NEURL1B: variants seen among roughly 807,000 people sequenced by gnomAD.
NEURL1B encodes the protein E3 ubiquitin-protein ligase NEURL1B.
In NEURL1B, 13 loss-of-function variants were observed where a neutral mutation model predicts 37.4. The observed-to-expected ratio is 0.35, with a 90% CI of 0.23 to 0.55. The LOEUF (loss-of-function observed/expected upper bound fraction) is 0.55. NEURL1B is among the 20% of genes least tolerant of loss of function. The pLI is 0.89. For missense variants in NEURL1B, 790 were observed against 879.2 expected (o/e 0.90, Z 1.28); for synonymous variants, 432 against 426.6 (o/e 1.01, Z -0.16).
intron 1 of NEURL1B, among the ~76,000 whole-genome samples, chr5:172,651,154 A>T (rs1370103091): frequency 6.6e-6 from 1 of 152,016 alleles, no homozygotes. Context: ...ATATCTAACA[A>T]CTCCCCTTGT....
intron 2 of NEURL1B, among the ~76,000 whole-genome samples, chr5:172,678,308 A>G (rs922381208): frequency 2.0e-5 from 3 of 152,160 alleles, no homozygotes; most frequent in Non-Finnish European, 4.4e-5. Flanking sequence ...CTCTTTCTCC[A>G]AGTTATCTGA....
In NEURL1B at chr5:172,654,473, C is replaced by A. The variant is rs185106449; in HGVS notation, c.31+13036C>A. ...GTGGTAATTAATTAAGACTTAGATC[C>A]CCTGTTAGGAAACCTGGTGGGTTAA... On this transcript the variant is annotated intron_variant, in intron 1 of 4. Coordinates refer to ENST00000369800, the MANE Select transcript of NEURL1B (RefSeq NM_001142651.3). Among the ~76,000 whole-genome samples, 45 of 152,244 alleles carry A rather than the reference C, an allele frequency of 3.0e-4. 1 individual carries two copies. The highest frequency in any genetic ancestry group is 1.1e-3 in the African/African-American group (44 of 41,538).
chr5:172,664,551 G>A (rs889113240), intron 1 of NEURL1B, among the ~76,000 whole-genome samples: 2 of 152,166 alleles, frequency 1.3e-5, no homozygotes, highest in Admixed American at 1.3e-4. Flanking sequence ...TGTTGTGTTT[G>A]TTGCAGCAAT....
rs775856605 is a variant in NEURL1B, at chr5:172,690,899, G to T, written c.*3974G>T. 6.6e-6 allele frequency: 1 copy of T among 152,244 alleles called. No individual in the cohort carries two copies. The allele number at this position is 152,244 out of a possible 1,614,324, so 9.4% of individuals were successfully genotyped here. ...TGCTTTCAGGCCCTGGAAATCAGTCGCCAAGGCCCAGGAGAACCCCGGTGA... is the reference window on the plus strand; with the variant it reads ...TGCTTTCAGGCCCTGGAAATCAGTCTCCAAGGCCCAGGAGAACCCCGGTGA... On this transcript the variant is annotated 3_prime_UTR_variant, in exon 5 of 5. Coordinates refer to ENST00000369800, the MANE Select transcript of NEURL1B (RefSeq NM_001142651.3).
At chr5:172,670,642 CTCAT>C (rs111734526) in intron 2 of NEURL1B, among the ~76,000 whole-genome samples, 2,468 of 152,242 alleles carry the variant, frequency 0.016, 30 homozygotes, top group Middle Eastern at 0.044. Flanking sequence ...AGTTTATTTG[CTCAT>C]TCATTCATTC....
chr5:172,650,216 C>T (rs1419424448), intron 1 of NEURL1B, among the ~76,000 whole-genome samples: 2 of 152,176 alleles, frequency 1.3e-5, no homozygotes, highest in African/African-American at 2.4e-5. Context: ...GCCAGGTCTG[C>T]CTGGTAACTT....
rs1757580205 is a variant in NEURL1B at position 172,647,450 on chromosome 5, C to T, written c.31+6013C>T. Among the ~76,000 whole-genome samples, 2 of 152,098 alleles carry T rather than the reference C, an allele frequency of 1.3e-5. No individual in the cohort carries two copies. Among genetic ancestry groups the T allele is most frequent in the African/African-American group, 2.4e-5 (1 of 41,408 alleles). ...AGGCTCAGAGGGGTAGTGAGACCTG[C>T]CCGGCCCAGGTGGCCAGGAAGTGGC... is the stretch of plus-strand genomic sequence containing the variant. On this transcript the variant is annotated intron_variant, in intron 1 of 4. Transcript: ENST00000369800. This position sits in a 1 kb window ranked among gnomAD's most constrained non-coding sequence, Gnocchi z 4.2.
chr5:172,656,587 G>A, intron 1 of NEURL1B: 1 of 1,611,024 alleles, frequency 6.2e-7, no homozygotes, highest in Non-Finnish European at 8.5e-7. Flanking sequence ...TTCGCTTTTA[G>A]CTCCTCGAGT....
In NEURL1B at chr5:172,688,649, C is replaced by T. The variant is rs1208456325; in HGVS notation, c.*1724C>T. The T allele has an allele frequency of 6.6e-6, 1 of 152,268 alleles. No homozygotes were observed. Among genetic ancestry groups the T allele is most frequent in the Non-Finnish European group, 1.5e-5 (1 of 68,048 alleles). 9.4% of individuals were successfully genotyped at this position (152,268 alleles called of 1,614,324 possible). Reference sequence around the variant, plus strand: ...CTGATTCCAACTTAAGGTCCCCACTCTCTTGCCCCATCAAGAATCCCTGAT... The same window carrying T: ...CTGATTCCAACTTAAGGTCCCCACTTTCTTGCCCCATCAAGAATCCCTGAT... On this transcript the variant is annotated 3_prime_UTR_variant, in exon 5 of 5. Coordinates refer to ENST00000369800, the MANE Select transcript of NEURL1B (RefSeq NM_001142651.3). The surrounding 1 kb of genome is among the most constrained non-coding windows in gnomAD (Gnocchi z 4.3).
chr5:172,650,088 T>A (rs1463601892), intron 1 of NEURL1B, among the ~76,000 whole-genome samples: 1 of 152,220 alleles, frequency 6.6e-6, no homozygotes, highest in African/African-American at 2.4e-5. Flanking sequence ...TTTGTTTACA[T>A]CCTCAACATT....
In NEURL1B at chr5:172,683,186, G is replaced by C. The variant is rs76590304; in HGVS notation, c.578-233G>C. 3.3e-5 allele frequency among the ~76,000 whole-genome samples: 5 copies of C among 152,236 alleles called. No homozygotes were observed. In the South Asian group the frequency reaches 1.0e-3, roughly 32 times the overall value. Reference sequence around the variant, plus strand: ...AAGGGCCTTATCTGCCGCTCCCAAAGGTAAGAGCATGTCAAGGAAACCGAG... The same window carrying C: ...AAGGGCCTTATCTGCCGCTCCCAAACGTAAGAGCATGTCAAGGAAACCGAG... On this transcript the variant is annotated intron_variant, in intron 2 of 4. Coordinates refer to ENST00000369800, the MANE Select transcript of NEURL1B (RefSeq NM_001142651.3). This position sits in a 1 kb window ranked among gnomAD's most constrained non-coding sequence, Gnocchi z 5.6.
At chr5:172,660,007 G>A (rs552472658) in intron 1 of NEURL1B, among the ~76,000 whole-genome samples, 120 of 152,326 alleles carry the variant, frequency 7.9e-4, no homozygotes, top group African/African-American at 2.7e-3. Flanking sequence ...TCGAGGGGGC[G>A]GGGACAGTGT....
rs1468197062 is a variant in NEURL1B at position 172,683,504 on chromosome 5, G to T, written c.663G>T (p.Ala221=). The T allele has an allele frequency of 2.0e-6, 3 of 1,503,190 alleles. No homozygotes were observed. The highest frequency in any genetic ancestry group is 1.4e-5 in the African/African-American group (1 of 69,616). 93.1% of individuals were successfully genotyped at this position (1,503,190 alleles called of 1,614,324 possible). A position where few individuals can be genotyped will look rare whatever the true frequency, so the allele number is the denominator to read the frequency against. ...SACLPPSSHD[A]ANFDNNELEN... is the part of the protein sequence containing the mutation. Reference sequence around the variant, plus strand: ...GCCTGCCGCCCAGCAGCCACGACGCGGCCAACTTCGACAACAACGAGCTCG... The same window carrying T: ...GCCTGCCGCCCAGCAGCCACGACGCTGCCAACTTCGACAACAACGAGCTCG... Residue 221 remains alanine, a synonymous_variant, in exon 3 of 5, where the codon GCG becomes GCT. Transcript: ENST00000369800. The surrounding 1 kb of genome is among the most constrained non-coding windows in gnomAD (Gnocchi z 5.6).
chr5:172,646,776 G>A (rs919342355), intron 1 of NEURL1B, among the ~76,000 whole-genome samples: 11 of 152,060 alleles, frequency 7.2e-5, no homozygotes, highest in Admixed American at 3.9e-4. Flanking sequence ...AGCTGAGCCC[G>A]TAAAGAAGAG....
At chr5:172,653,651 C>CA (rs989858658) in intron 1 of NEURL1B, among the ~76,000 whole-genome samples, 8 of 151,986 alleles carry the variant, frequency 5.3e-5, no homozygotes, top group African/African-American at 1.2e-4. Context: ...ACCTTCAAAA[C>CA]AAAAAAAATT....
intron 1 of NEURL1B, among the ~76,000 whole-genome samples, chr5:172,659,030 G>GCCCCCCCCCCC (rs1757845647): frequency 9.1e-5 from 1 of 10,938 alleles, no homozygotes; most frequent in African/African-American, 4.2e-4. Context: ...CACCACCCCT[G>GCCCCCCCCCCC]CCCGCCCCCC....
At chr5:172,658,761 C>T (rs1581424898) in intron 1 of NEURL1B, among the ~76,000 whole-genome samples, 2 of 152,106 alleles carry the variant, frequency 1.3e-5, no homozygotes, top group Non-Finnish European at 2.9e-5. Context: ...TAGCCATCAC[C>T]TCCTCCATCA....
At chr5:172,663,096 C>G (rs915879985) in intron 1 of NEURL1B, among the ~76,000 whole-genome samples, 3 of 126,372 alleles carry the variant, frequency 2.4e-5, no homozygotes, top group Non-Finnish European at 5.1e-5. Context: ...CACCTGTCGT[C>G]CTAGCTACTT....
rs946708176 is a variant in NEURL1B, at chr5:172,689,993, C to A, written c.*3068C>A. ...GGGACCTGGGGCCTTGTCCCACCAC[C>A]TTCCTAGGCCCCGTGATCACCACCC... On this transcript the variant is annotated 3_prime_UTR_variant, in exon 5 of 5. Transcript: ENST00000369800. 4 of 152,290 alleles carry A rather than the reference C, an allele frequency of 2.6e-5. No homozygotes were observed. The highest frequency in any genetic ancestry group is 9.6e-5 in the African/African-American group (4 of 41,462). 9.4% of individuals were successfully genotyped at this position (152,290 alleles called of 1,614,324 possible).
Sources: allele counts gnomAD v4.1 joint callset (sites outside exome capture counted in the v4.1 genomes callset), GRCh38; gene constraint gnomAD v4.1.1; non-coding constraint Gnocchi (gnomAD v3.1); transcripts MANE v1.5; gene names NCBI Gene and HGNC (gene_info 2026-07-23, HGNC 2026-07-21).